BNIP2: variants seen among roughly 807,000 people sequenced by gnomAD.
BNIP2 encodes BCL2/adenovirus E1B 19 kDa protein-interacting protein 2.
A neutral mutation model predicts 43.4 loss-of-function variants in BNIP2; 36 were observed. That is an observed-to-expected ratio of 0.83 (90% confidence interval 0.64 to 1.10). The LOEUF (loss-of-function observed/expected upper bound fraction) is 1.10. Ranked by LOEUF, BNIP2 falls within the 50% of genes least tolerant of loss-of-function variation. BNIP2 has a pLI of 0.00. For synonymous variants in BNIP2, 146 were observed against 121.0 expected (o/e 1.21, Z -1.35); for missense variants, 417 against 374.1 (o/e 1.11, Z -0.95).
intron 5 of BNIP2, 136 bp downstream of exon 5, chr15:59,677,775 C>T: frequency 8.1e-7 from 1 of 1,232,108 alleles, no homozygotes; most frequent in South Asian, 2.2e-5. Context: ...AAATGTCCTA[C>T]AAAAGACGAG....
chr15:59,672,979 A>G (rs2141998875), intron 5 of BNIP2, among the ~76,000 whole-genome samples: 1 of 152,330 alleles, frequency 6.6e-6, no homozygotes, highest in East Asian at 1.9e-4. Context: ...ACCCAAGACC[A>G]CTTAAATTCG....
At chr15:59,671,809 G>A (rs1470311316) in intron 6 of BNIP2, among the ~76,000 whole-genome samples, 1 of 152,186 alleles carries the variant, frequency 6.6e-6, no homozygotes, top group African/African-American at 2.4e-5. Flanking sequence ...TAATGTGCCT[G>A]CAAATGTTAA....
chr15:59,679,789 A>G (rs1893541161), intron 3 of BNIP2, 21 bp from the exon 4 acceptor site: 1 of 1,462,782 alleles, frequency 6.8e-7, no homozygotes, highest in African/African-American at 1.5e-5. Context: ...AAAATAAAGA[A>G]AAAGATACGT....
chr15:59,669,304 G>A lies in BNIP2; in HGVS notation c.766C>T (p.Leu256Phe), dbSNP rs1892755630. The A allele has an allele frequency of 1.9e-6, 3 of 1,558,262 alleles. No homozygotes were observed. The highest frequency in any genetic ancestry group is 1.4e-5 in the African/African-American group (1 of 71,920). Residue 256 changes from leucine (L) to phenylalanine (F), a missense_variant, in exon 8 of 10, where the codon CTT (leucine) becomes TTT (phenylalanine). Leu to Phe is a conservative substitution (Grantham distance 22, BLOSUM62 0). Transcript: ENST00000607373. Reference protein sequence around the residue: ...IVHPSWFIRTLLAVTRPFISS... With the variant: ...IVHPSWFIRTFLAVTRPFISS... The stretch of plus-strand genomic sequence containing the variant: ...ATAAATGGTCTTGTAACAGCCAGAA[G>A]TGTTCTGATAAACCAAGAAGGATGT...
chr15:59,689,047 G>A, intron 1 of BNIP2, 88 bp downstream of exon 1: 1 of 1,460,330 alleles, frequency 6.8e-7, no homozygotes, highest in South Asian at 1.4e-5. Flanking sequence ...GGACGTCGTG[G>A]GCACGCGCCC....
intron 4 of BNIP2, chr15:59,678,433 T>TC (rs1485022570): frequency 9.3e-7 from 1 of 1,073,918 alleles, no homozygotes; most frequent in Non-Finnish European, 1.1e-6. Context: ...GACAATATTC[T>TC]CCCTGGCAGT....
At position 59,663,548 on chromosome 15, in the gene BNIP2, G is replaced by A. The variant is rs551951788; in HGVS notation, c.*521C>T. On this transcript the variant is annotated 3_prime_UTR_variant, in exon 10 of 10. Transcript: ENST00000607373. ...ATGACAATCAGTTTAACCATCTGTT[G>A]CCTTATGAAAAACTTAATTTCCTAA... 4.6e-5 allele frequency: 7 copies of A among 152,658 alleles called. No homozygotes were observed. The highest frequency in any genetic ancestry group is 1.7e-4 in the African/African-American group (7 of 41,532). 9.5% of individuals were successfully genotyped at this position (152,658 alleles called of 1,614,324 possible).
chr15:59,688,120 G>C (rs1437126064), intron 1 of BNIP2, among the ~76,000 whole-genome samples: 2 of 152,170 alleles, frequency 1.3e-5, no homozygotes, highest in East Asian at 1.9e-4. Flanking sequence ...AGCAGTATTA[G>C]GCTGCACTAG....
intron 4 of BNIP2, chr15:59,678,334 G>A (rs1336656864): frequency 1.2e-5 from 15 of 1,219,522 alleles, no homozygotes; most frequent in East Asian, 4.4e-5. Context: ...ATAGTGAAAC[G>A]TGTATCCACA....
rs1383960681 is a variant in BNIP2 at position 59,689,309 on chromosome 15, C to T, written c.-232G>A. Reference sequence around the variant, plus strand: ...GTACGGCGTCGGCGGCAGCAGCTGACCCGGACACAGTGAGAAGCCCCGGCG... The same window carrying T: ...GTACGGCGTCGGCGGCAGCAGCTGATCCGGACACAGTGAGAAGCCCCGGCG... On this transcript the variant is annotated 5_prime_UTR_variant, in exon 1 of 10. Coordinates refer to ENST00000607373, the MANE Select transcript of BNIP2 (RefSeq NM_004330.4). 2 of 1,547,208 alleles carry T rather than the reference C, an allele frequency of 1.3e-6. No individual in the cohort carries two copies.
intron 9 of BNIP2, among the ~76,000 whole-genome samples, chr15:59,665,866 C>T (rs1366013206): frequency 2.0e-5 from 3 of 152,106 alleles, no homozygotes; most frequent in Non-Finnish European, 4.4e-5. Context: ...TCTCATCACC[C>T]ATTACTATGC....
In BNIP2 at chr15:59,669,320, A is replaced by C. The variant is rs146320872; in HGVS notation, c.750T>G (p.Ser250=). The change falls in exon 8 of 10, where the codon TCT becomes TCG. Residue 250 remains serine, a synonymous_variant. Coordinates refer to ENST00000607373, the MANE Select transcript of BNIP2 (RefSeq NM_004330.4). The part of the protein sequence containing the change: ...NLKSLIIVHP[S]WFIRTLLAVT... Reference sequence around the variant, plus strand: ...CAGCCAGAAGTGTTCTGATAAACCAAGAAGGATGTACAATGATTAGGGATT... The same window carrying C: ...CAGCCAGAAGTGTTCTGATAAACCACGAAGGATGTACAATGATTAGGGATT... 9.8e-5 allele frequency: 153 copies of C among 1,553,944 alleles called. 2 individuals are homozygous for C. The East Asian group carries it at 2.7e-3, about 27-fold the overall frequency.
At chr15:59,676,938 A>C (rs1595699472) in intron 5 of BNIP2, 4 of 1,611,698 alleles carry the variant, frequency 2.5e-6, no homozygotes, top group Non-Finnish European at 3.4e-6. Context: ...CTCTGCGAGA[A>C]CAGCATGATC....
Position 59,664,003 on chromosome 15 carries a change from A to G in BNIP2, c.*66T>C. 8.1e-7 allele frequency: 1 copy of G among 1,227,728 alleles called. No individual in the cohort carries two copies. The highest frequency in any genetic ancestry group is 1.1e-6 in the Non-Finnish European group (1 of 886,714). The allele number at this position is 1,227,728 out of a possible 1,614,324, so 76.1% of individuals were successfully genotyped here. On this transcript the variant is annotated 3_prime_UTR_variant, in exon 10 of 10. Transcript: ENST00000607373. ...AAAAATATGGGCCAATAAATGCATT[A>G]TGAATGCAGAAACAGCACTGCTCCA...
intron 2 of BNIP2, among the ~76,000 whole-genome samples, chr15:59,681,324 C>T (rs1893652927): frequency 6.6e-6 from 1 of 152,080 alleles, no homozygotes; most frequent in Non-Finnish European, 1.5e-5. Flanking sequence ...CATTAGCCTA[C>T]CTGGTGCCAA....
chr15:59,664,581 C>T (rs1407780386), intron 9 of BNIP2, among the ~76,000 whole-genome samples: 2 of 151,994 alleles, frequency 1.3e-5, no homozygotes, highest in Non-Finnish European at 2.9e-5. Context: ...TGGGGTTTCA[C>T]CATGTTAGCC....
intron 4 of BNIP2, chr15:59,678,506 A>T: frequency 9.3e-7 from 1 of 1,071,042 alleles, no homozygotes. Flanking sequence ...TGAGCACATA[A>T]ATTAACTGTA....
chr15:59,671,311 A>G lies in BNIP2; in HGVS notation c.579T>C (p.Tyr193=), dbSNP rs765642936. ...CTAATAGCTCCAAAGTGCCAATAAC[A>G]TATCTGTAAAAAACAAATTAAGTTT... ...YRYLMDNLFK[Y]VIGTLELLVA... Residue 193 remains tyrosine (Y), a synonymous_variant, in exon 7 of 10, where the codon TAT becomes TAC. Transcript: ENST00000607373. 24 of 1,583,976 alleles carry G rather than the reference A, an allele frequency of 1.5e-5. No individual in the cohort carries two copies. The highest frequency in any genetic ancestry group is 1.7e-4 in the Middle Eastern group (1 of 5,938).
At chr15:59,688,658 A>T (rs539622804) in intron 1 of BNIP2, 2 of 1,496,178 alleles carry the variant, frequency 1.3e-6, no homozygotes, top group Admixed American at 2.0e-5. Flanking sequence ...GGTTTAGCGT[A>T]CTAGGGAAGA....
Sources: allele counts gnomAD v4.1 joint callset (sites outside exome capture counted in the v4.1 genomes callset), GRCh38; gene constraint gnomAD v4.1.1; transcripts MANE v1.5; gene names NCBI Gene and HGNC (gene_info 2026-07-23, HGNC 2026-07-21).